EXOC4: variants seen among roughly 807,000 people sequenced by gnomAD.
EXOC4 encodes the protein exocyst complex component 4, also known as SEC8-like 1.
In EXOC4, 71 loss-of-function variants were observed where a neutral mutation model predicts 107.2. That is an observed-to-expected ratio of 0.66 (90% CI 0.55 to 0.81). EXOC4 has a LOEUF of 0.81. Among genes scored for constraint, EXOC4 ranks in the 30% least tolerant of loss-of-function variants. EXOC4 has a pLI of 0.00. For synonymous variants in EXOC4, 456 were observed against 441.2 expected, an observed-to-expected ratio of 1.03 and a Z score of -0.42; for missense variants, 1,108 against 1,189.6, an observed-to-expected ratio of 0.93 and a Z score of 1.01.
chr7:133,925,451 ATCT>A (rs1488902109), intron 13 of EXOC4, among the ~76,000 whole-genome samples: 1 of 152,194 alleles, frequency 6.6e-6, no homozygotes. Context: ...ATCAATGATT[ATCT>A]GCTGATAAAA....
chr7:133,463,164 A>G (rs144801959), intron 7 of EXOC4, among the ~76,000 whole-genome samples: 1 of 152,284 alleles, frequency 6.6e-6, no homozygotes, highest in East Asian at 1.9e-4. Context: ...CTGGACATGA[A>G]GTGTGTAGTA....
At chr7:134,069,345 CCTCCTT>C (rs1451444510), downstream of EXOC4, among the ~76,000 whole-genome samples, 1 of 129,012 alleles carries the variant, frequency 7.8e-6, no homozygotes, top group East Asian at 2.7e-4. Context: ...TCCTTCTCCT[CCTCCTT>C]CTCCTTCTTC....
chr7:133,515,312 A>G (rs764968663), intron 9 of EXOC4, among the ~76,000 whole-genome samples: 1 of 150,044 alleles, frequency 6.7e-6, no homozygotes, highest in Non-Finnish European at 1.5e-5. Flanking sequence ...GATTACTCCA[A>G]TCAGTAGCCC....
intron 14 of EXOC4, among the ~76,000 whole-genome samples, chr7:133,976,088 G>A (rs2346274): frequency 0.7 from 106,162 of 151,970 alleles, 37,482 homozygotes; most frequent in East Asian, 0.91. Flanking sequence ...GGGCCTGCAG[G>A]TACAGTGTTG....
chr7:133,898,394 C>T (rs1799370114), intron 12 of EXOC4, among the ~76,000 whole-genome samples: 1 of 151,960 alleles, frequency 6.6e-6, no homozygotes, highest in Non-Finnish European at 1.5e-5. Flanking sequence ...AACCAGATTC[C>T]AAAGTGGTAG....
At chr7:133,375,868 T>A (rs919022000) in intron 7 of EXOC4, among the ~76,000 whole-genome samples, 3 of 152,192 alleles carry the variant, frequency 2.0e-5, no homozygotes, top group Non-Finnish European at 2.9e-5. Context: ...TTTTTCTCCA[T>A]ATGTGAGCAA....
intron 10 of EXOC4, among the ~76,000 whole-genome samples, chr7:133,726,066 A>G (rs1026712454): frequency 1.3e-5 from 2 of 152,224 alleles, no homozygotes; most frequent in African/African-American, 4.8e-5. Context: ...CAGTTATCCA[A>G]GGGAAGTTTG....
intron 5 of EXOC4, among the ~76,000 whole-genome samples, chr7:133,320,497 T>C (rs536627309): frequency 2.6e-5 from 4 of 152,224 alleles, no homozygotes; most frequent in Admixed American, 6.5e-5. Context: ...TAAGGACTCG[T>C]GATTAGATTG....
chr7:133,880,346 G>A (rs1408946014), intron 11 of EXOC4, among the ~76,000 whole-genome samples: 2 of 152,244 alleles, frequency 1.3e-5, no homozygotes, highest in Admixed American at 6.5e-5. Context: ...CTAACATGTA[G>A]CATCTTCTAT....
At chr7:133,699,624 A>G (rs968722603) in intron 10 of EXOC4, among the ~76,000 whole-genome samples, 1 of 152,132 alleles carries the variant, frequency 6.6e-6, no homozygotes, top group Non-Finnish European at 1.5e-5. Flanking sequence ...GTCTCTTATG[A>G]TAATTCCTGT....
chr7:133,496,860 G>T lies in EXOC4; in HGVS notation c.1417+16722G>T, dbSNP rs1799487474. On this transcript the variant is annotated intron_variant, in intron 9 of 17. Transcript: ENST00000253861. ...TATATGGCAACACTGAATGGATTTT[G>T]CAAGTGTGATTAAAATCCCTAATAA... Among the ~76,000 whole-genome samples the T allele has an allele frequency of 3.9e-5, 6 of 152,214 alleles. No homozygotes were observed. The South Asian group carries it at 1.2e-3, about 32-fold the overall frequency.
chr7:133,360,993 A>G (rs1272308024), intron 6 of EXOC4, among the ~76,000 whole-genome samples: 1 of 152,214 alleles, frequency 6.6e-6, no homozygotes, highest in South Asian at 2.1e-4. Context: ...AGAAGAGAGC[A>G]CTAGTTTGTC....
intron 10 of EXOC4, among the ~76,000 whole-genome samples, chr7:133,706,971 C>T (rs1205887324): frequency 1.3e-5 from 2 of 152,278 alleles, no homozygotes; most frequent in Middle Eastern, 3.4e-3. Context: ...GAAACACAGA[C>T]ATTCAGACCA....
intron 2 of EXOC4, among the ~76,000 whole-genome samples, chr7:133,281,617 A>G (rs1055344119): frequency 6.6e-6 from 1 of 151,682 alleles, no homozygotes; most frequent in African/African-American, 2.4e-5. Flanking sequence ...ACATTGTTGT[A>G]TTCTATTACA....
At chr7:133,486,610 T>C (rs551642308) in intron 9 of EXOC4, among the ~76,000 whole-genome samples, 1 of 152,318 alleles carries the variant, frequency 6.6e-6, no homozygotes, top group South Asian at 2.1e-4. Context: ...TGCAACAATA[T>C]GCAGGGAACA....
intron 10 of EXOC4, among the ~76,000 whole-genome samples, 165 bp from the exon 11 acceptor site, chr7:133,817,160 T>A (rs1439807660): frequency 6.6e-6 from 1 of 152,162 alleles, no homozygotes; most frequent in African/African-American, 2.4e-5. Context: ...ATTAGTGGAG[T>A]AATTTAGATT....
intron 10 of EXOC4, among the ~76,000 whole-genome samples, chr7:133,651,513 G>A (rs1803150910): frequency 6.6e-6 from 1 of 152,070 alleles, no homozygotes; most frequent in Non-Finnish European, 1.5e-5. Flanking sequence ...ATGGAAATAG[G>A]CTTTGGATCA....
intron 9 of EXOC4, among the ~76,000 whole-genome samples, chr7:133,573,709 G>A (rs1462270377): frequency 6.6e-6 from 1 of 151,974 alleles, no homozygotes; most frequent in Non-Finnish European, 1.5e-5. Context: ...TTGTGCAGTG[G>A]CATGGTCATA....
chr7:134,064,402 C>A lies in EXOC4; in HGVS notation c.2799C>A (p.His933Gln). 6.2e-7 allele frequency: 1 copy of A among 1,606,816 alleles called. No individual in the cohort carries two copies. Among genetic ancestry groups the A allele is most frequent in the Non-Finnish European group, 8.5e-7 (1 of 1,176,132 alleles). ...LEYIHALTLL[H>Q]RSQTGVGELT... Reference sequence around the variant, plus strand: ...ACATCCACGCTCTGACCCTGCTGCACCGCAGCCAGACTGGGGTGGGGGAAC... The same window carrying A: ...ACATCCACGCTCTGACCCTGCTGCAACGCAGCCAGACTGGGGTGGGGGAAC... Residue 933 changes from histidine (H) to glutamine (Q), a missense_variant, in exon 18 of 18, where the codon CAC becomes CAA. By Grantham distance (24) the His-to-Gln change is conservative. Transcript: ENST00000253861.
Sources: allele counts gnomAD v4.1 joint callset (sites outside exome capture counted in the v4.1 genomes callset), GRCh38; gene constraint gnomAD v4.1.1; transcripts MANE v1.5; gene names NCBI Gene and HGNC (gene_info 2026-07-23, HGNC 2026-07-21).